The following ANK3 variants were observed in gnomAD, a reference collection of about 807,000 sequenced individuals.
The protein encoded by ANK3 is ankyrin 3, also known as ankyrin-3.
ANK3 carries 57 observed loss-of-function variants against 370.9 expected under a neutral mutation model. The observed-to-expected ratio is 0.15, with a 90% CI of 0.12 to 0.19. ANK3 has a LOEUF of 0.19. Ranked by LOEUF, ANK3 falls within the 10% of genes least tolerant of loss-of-function variation. The pLI is 1.00. For synonymous variants in ANK3, 1,929 were observed against 1,946.3 expected, an observed-to-expected ratio of 0.99 and a Z score of 0.23; for missense variants, 4,439 against 5,302.1, an observed-to-expected ratio of 0.84 and a Z score of 5.06.
At chr10:60,611,237 A>G (rs2133317723) in intron 2 of ANK3, among the ~76,000 whole-genome samples, 1 of 152,258 alleles carries the variant, frequency 6.6e-6, no homozygotes, top group Admixed American at 6.5e-5. Flanking sequence ...CCAAAATGAA[A>G]ACAGGAGTCT....
At chr10:60,688,887 G>T (rs887374889) in intron 1 of ANK3, among the ~76,000 whole-genome samples, 1 of 151,758 alleles carries the variant, frequency 6.6e-6, no homozygotes, top group Non-Finnish European at 1.5e-5. Context: ...GGCAGAGGTT[G>T]CAGTGAGCCA....
At chr10:60,452,193 G>C (rs150510536) in intron 2 of ANK3, among the ~76,000 whole-genome samples, 1 of 152,234 alleles carries the variant, frequency 6.6e-6, no homozygotes, top group African/African-American at 2.4e-5. Context: ...GGACTGATCA[G>C]CTCTGGAATT....
intron 1 of ANK3, among the ~76,000 whole-genome samples, chr10:60,699,749 A>C (rs2079521182): frequency 6.6e-6 from 1 of 152,142 alleles, no homozygotes; most frequent in South Asian, 2.1e-4. Flanking sequence ...ATCTTAGTTC[A>C]TATATTGTTT....
chr10:60,614,902 A>T (rs531188977), intron 2 of ANK3, among the ~76,000 whole-genome samples: 27 of 152,296 alleles, frequency 1.8e-4, no homozygotes, highest in African/African-American at 6.5e-4. Flanking sequence ...ATCAAGCCTC[A>T]AATGCACAGC....
intron 2 of ANK3, among the ~76,000 whole-genome samples, chr10:60,404,715 A>G (rs988897251): frequency 1.3e-5 from 2 of 152,188 alleles, no homozygotes; most frequent in East Asian, 3.8e-4. Context: ...AATTTAAAAA[A>G]AAGTTAGACT....
At chr10:60,436,004 C>T (rs2064146771) in intron 2 of ANK3, among the ~76,000 whole-genome samples, 1 of 151,900 alleles carries the variant, frequency 6.6e-6, no homozygotes, top group Non-Finnish European at 1.5e-5. Context: ...AGGAGAATGG[C>T]TTGAACCCGG....
At chr10:60,246,275 A>T (rs967534271) in intron 7 of ANK3, among the ~76,000 whole-genome samples, 9 of 112,968 alleles carry the variant, frequency 8.0e-5, no homozygotes, top group East Asian at 2.9e-4. Context: ...AAAAAAAAAA[A>T]AAAAAAGAAA....
intron 2 of ANK3, among the ~76,000 whole-genome samples, chr10:60,598,190 T>C (rs2078013781): frequency 6.6e-6 from 1 of 152,214 alleles, no homozygotes; most frequent in South Asian, 2.1e-4. Context: ...AGCTGAGTGT[T>C]ATCAAATTAA....
intron 4 of ANK3, among the ~76,000 whole-genome samples, chr10:60,277,103 G>A (rs931551549): frequency 1.3e-5 from 2 of 152,216 alleles, no homozygotes; most frequent in African/African-American, 4.8e-5. Context: ...CAAGAACCAT[G>A]CAGTTGGAAG....
At chr10:60,147,673 T>C (rs1266266753) in intron 23 of ANK3, among the ~76,000 whole-genome samples, 1 of 152,080 alleles carries the variant, frequency 6.6e-6, no homozygotes, top group Non-Finnish European at 1.5e-5. Context: ...TCATGAGATG[T>C]GGTTGTTTTA....
chr10:60,676,475 C>T (rs1043058951), intron 1 of ANK3, among the ~76,000 whole-genome samples: 6 of 152,158 alleles, frequency 3.9e-5, no homozygotes, highest in African/African-American at 1.2e-4. Flanking sequence ...TGTCATGACA[C>T]ATACCAGTAC....
chr10:60,112,554 T>C (rs938160621), intron 26 of ANK3, among the ~76,000 whole-genome samples: 10 of 152,304 alleles, frequency 6.6e-5, no homozygotes, highest in Non-Finnish European at 1.5e-4. Flanking sequence ...ATTTGAACGA[T>C]ATTGTTCTGT....
At chr10:60,266,826 G>A (rs780795014) in intron 5 of ANK3, among the ~76,000 whole-genome samples, 25 of 152,086 alleles carry the variant, frequency 1.6e-4, no homozygotes, top group Non-Finnish European at 3.2e-4. Flanking sequence ...ATGTGATAGA[G>A]GCTACTGGAA....
At chr10:60,433,739 T>C (rs950627981) in intron 2 of ANK3, among the ~76,000 whole-genome samples, 1 of 152,210 alleles carries the variant, frequency 6.6e-6, no homozygotes, top group Non-Finnish European at 1.5e-5. Context: ...GCTTTTACAA[T>C]ATTTTAGAAA....
intron 2 of ANK3, among the ~76,000 whole-genome samples, chr10:60,456,673 C>A (rs1315821794): frequency 2.0e-5 from 3 of 151,958 alleles, no homozygotes; most frequent in Non-Finnish European, 4.4e-5. Flanking sequence ...GCTCTAGCAC[C>A]ATTCATTCTT....
intron 2 of ANK3, among the ~76,000 whole-genome samples, chr10:60,572,033 T>C (rs985802090): frequency 2.6e-5 from 4 of 152,182 alleles, no homozygotes; most frequent in Admixed American, 2.6e-4. Flanking sequence ...AGTATAACTA[T>C]AGGTTTCTCT....
intron 1 of ANK3, among the ~76,000 whole-genome samples, chr10:60,346,671 A>T (rs2055581404): frequency 6.6e-6 from 1 of 152,110 alleles, no homozygotes. Context: ...ACATGTACAT[A>T]CATAACCAAC....
At chr10:60,540,583 T>C (rs1024108358) in intron 2 of ANK3, among the ~76,000 whole-genome samples, 1 of 151,930 alleles carries the variant, frequency 6.6e-6, no homozygotes, top group Non-Finnish European at 1.5e-5. Flanking sequence ...AGAGAAAGCA[T>C]GGTACAGTGG....
chr10:60,070,479 C>G lies in ANK3; in HGVS notation c.10402G>C (p.Glu3468Gln). The G allele has an allele frequency of 6.2e-7, 1 of 1,614,096 alleles. No homozygotes were observed. The highest frequency in any genetic ancestry group is 1.1e-5 in the South Asian group (1 of 91,082). Residue 3468 changes from glutamate (E) to glutamine (Q), a missense_variant, in exon 37 of 44, where the codon GAG (glutamate) becomes CAG (glutamine). Around this residue, in one of 13 missense-constraint regions of ANK3, gnomAD observed 1,601 missense variants for 1,731.7 expected, o/e 0.92. Coordinates refer to ENST00000280772, the MANE Select transcript of ANK3 (RefSeq NM_020987.5). This position sits in a 1 kb window ranked among gnomAD's most constrained non-coding sequence, Gnocchi z 5.7. ...TCTGGTCCCACCTTTCCCTCCTCCT[C>G]GATAACTTCAAGTTTACTTTGGCTA... ...SFSQSKLEVI[E>Q]EEGKVGPDED...
Sources: allele counts gnomAD v4.1 joint callset (sites outside exome capture counted in the v4.1 genomes callset), GRCh38; gene constraint gnomAD v4.1.1; regional missense constraint gnomAD v4.1.1; non-coding constraint Gnocchi (gnomAD v3.1); transcripts MANE v1.5; gene names NCBI Gene and HGNC (gene_info 2026-07-23, HGNC 2026-07-21).